Variants in RTN3 observed in about 807,000 individuals in gnomAD.
RTN3 encodes the protein reticulon 3.
Under a neutral mutation model 77.8 loss-of-function variants are expected in RTN3, and 49 were observed. The ratio of observed to expected loss-of-function variants is 0.63; its 90% CI spans 0.50 to 0.80. The LOEUF (loss-of-function observed/expected upper bound fraction) is 0.80, where lower values mean the gene tolerates loss of function less well. Ranked by LOEUF, RTN3 falls within the 30% of genes least tolerant of loss-of-function variation. RTN3 has a pLI of 0.00. For synonymous variants in RTN3, 464 were observed against 446.9 expected (o/e 1.04, Z -0.48); for missense variants, 1,236 against 1,211.9 (o/e 1.02, Z -0.29).
chr11:63,757,042 C>CA (rs1356137053), intron 8 of RTN3, among the ~76,000 whole-genome samples: 5 of 150,360 alleles, frequency 3.3e-5, no homozygotes, highest in African/African-American at 4.9e-5. Context: ...GACTCCGTCT[C>CA]AAAAAAAAAC....
chr11:63,744,612 T>C (rs1328608973), intron 3 of RTN3, among the ~76,000 whole-genome samples: 1 of 152,198 alleles, frequency 6.6e-6, no homozygotes, highest in East Asian at 1.9e-4. Flanking sequence ...CAGTCATATA[T>C]GTGGTGCTTT....
chr11:63,688,759 C>T (rs995988547), intron 1 of RTN3, among the ~76,000 whole-genome samples: 1 of 152,012 alleles, frequency 6.6e-6, no homozygotes, highest in Non-Finnish European at 1.5e-5. Flanking sequence ...TCAAATTATC[C>T]TGTGAGGAAA....
chr11:63,749,478 A>G (rs541752153), intron 3 of RTN3, among the ~76,000 whole-genome samples: 1 of 152,268 alleles, frequency 6.6e-6, no homozygotes, highest in Admixed American at 6.5e-5. Flanking sequence ...CTTTGGTTTT[A>G]TAGTCTGTTC....
intron 1 of RTN3, among the ~76,000 whole-genome samples, chr11:63,693,415 T>C (rs374558230): frequency 6.6e-6 from 1 of 151,578 alleles, no homozygotes; most frequent in Non-Finnish European, 1.5e-5. Flanking sequence ...ACCTGGGAGG[T>C]CGAGGTTGTG....
intron 2 of RTN3, among the ~76,000 whole-genome samples, chr11:63,714,793 T>C (rs528864484): frequency 1.3e-5 from 2 of 152,292 alleles, no homozygotes; most frequent in South Asian, 4.1e-4. Flanking sequence ...GATACAGGCA[T>C]GAGCCACCAC....
At chr11:63,728,394 CA>C (rs1181323540) in intron 3 of RTN3, among the ~76,000 whole-genome samples, 4 of 152,086 alleles carry the variant, frequency 2.6e-5, no homozygotes, top group Non-Finnish European at 5.9e-5. Context: ...CTCAGGCATG[CA>C]AAAATACTTA....
At chr11:63,734,241 G>GT (rs891860524) in intron 3 of RTN3, among the ~76,000 whole-genome samples, 38 of 152,144 alleles carry the variant, frequency 2.5e-4, no homozygotes, top group African/African-American at 8.9e-4. Flanking sequence ...TGAGGTCAGA[G>GT]TTTGAGATCT....
intron 2 of RTN3, among the ~76,000 whole-genome samples, chr11:63,713,415 T>C (rs1329671562): frequency 3.3e-5 from 5 of 152,124 alleles, no homozygotes; most frequent in Non-Finnish European, 7.4e-5. Context: ...GCTCAAGCAG[T>C]CCTCCCACTT....
chr11:63,681,872 T>C (rs2134584322), intron 1 of RTN3, 94 bp downstream of exon 1: 1 of 1,321,374 alleles, frequency 7.6e-7, no homozygotes, highest in Non-Finnish European at 1.0e-6. Context: ...GGAGGACGAA[T>C]TACCCTCGAC....
In RTN3 at chr11:63,720,224, G is replaced by T. The variant is rs764982284; in HGVS notation, c.1722G>T (p.Arg574Ser). Residue 574 changes from arginine (R) to serine (S), a missense_variant, in exon 3 of 9, where the codon AGG (arginine) becomes AGT (serine). Physicochemically the swap from Arg to Ser is moderately radical, Grantham distance 110. Coordinates refer to ENST00000377819, the MANE Select transcript of RTN3 (RefSeq NM_001265589.2). The part of the protein sequence containing the change: ...LHQDQPDILG[R>S]SPASEAACSK... ...AAGATCAGCCTGATATTCTTGGAAG[G>T]AGTCCAGCTAGTGAGGCAGCATGTT... 6.2e-6 allele frequency: 10 copies of T among 1,614,086 alleles called. No homozygotes were observed. The highest frequency in any genetic ancestry group is 6.8e-6 in the Non-Finnish European group (8 of 1,179,990).
chr11:63,685,495 C>CAAA (rs55888863), intron 1 of RTN3, among the ~76,000 whole-genome samples: 96,303 of 115,760 alleles, frequency 0.83, 40,761 homozygotes, highest in East Asian at 0.95. Context: ...GACTCCATCT[C>CAAA]AAAAAAAAAA....
chr11:63,757,496 C>T (rs1239049905), intron 8 of RTN3, among the ~76,000 whole-genome samples: 2 of 151,586 alleles, frequency 1.3e-5, no homozygotes, highest in African/African-American at 4.8e-5. Context: ...GAGTAGCTGA[C>T]ACTACAGGCA....
intron 7 of RTN3, 83 bp downstream of exon 7, chr11:63,753,791 G>A: frequency 7.9e-7 from 1 of 1,265,530 alleles, no homozygotes; most frequent in Non-Finnish European, 1.1e-6. Flanking sequence ...TGAATGTTCA[G>A]AGCAGTCTTT....
chr11:63,726,092 T>C (rs766577190), intron 3 of RTN3, among the ~76,000 whole-genome samples: 1 of 152,194 alleles, frequency 6.6e-6, no homozygotes, highest in Non-Finnish European at 1.5e-5. Flanking sequence ...ATACAGGGAA[T>C]CTGAAGTAAT....
chr11:63,717,598 C>T (rs2011486819), intron 2 of RTN3, among the ~76,000 whole-genome samples: 1 of 151,582 alleles, frequency 6.6e-6, no homozygotes, highest in South Asian at 2.1e-4. Context: ...CCATTTTGGT[C>T]AGGCTGGTCT....
intron 3 of RTN3, among the ~76,000 whole-genome samples, chr11:63,722,946 C>T (rs950309963): frequency 1.3e-5 from 2 of 152,182 alleles, no homozygotes; most frequent in East Asian, 3.8e-4. Flanking sequence ...AATTATGCTA[C>T]AAGAACTCCA....
intron 2 of RTN3, among the ~76,000 whole-genome samples, chr11:63,709,899 T>C (rs1411065407): frequency 2.6e-5 from 4 of 152,342 alleles, no homozygotes; most frequent in African/African-American, 9.6e-5. Context: ...GTTATAGATA[T>C]CCTTTTAGTA....
chr11:63,708,400 G>GCGGT (rs1325471634), intron 2 of RTN3, among the ~76,000 whole-genome samples: 2 of 151,850 alleles, frequency 1.3e-5, no homozygotes, highest in East Asian at 3.9e-4. Flanking sequence ...CTGAGCACAA[G>GCGGT]CGGTCCTCCT....
Position 63,719,521 on chromosome 11 carries a change from T to G in RTN3, c.1019T>G (p.Leu340Arg). 1 of 1,614,192 alleles carries G rather than the reference T, an allele frequency of 6.2e-7. No individual in the cohort carries two copies. The highest frequency in any genetic ancestry group is 1.1e-5 in the South Asian group (1 of 91,080). ...NDMHNFTNEILTWDLVPQVKQ... is the reference protein window; with the variant it reads ...NDMHNFTNEIRTWDLVPQVKQ... ...ATGCATAACTTTACTAACGAAATAC[T>G]GACTTGGGATCTGGTTCCCCAAGTG... Residue 340 changes from leucine to arginine, a missense_variant, in exon 3 of 9, where the codon CTG (leucine) becomes CGG (arginine). Physicochemically the swap from Leu to Arg is moderately radical, Grantham distance 102. Around this residue, in one of 3 missense-constraint regions of RTN3, gnomAD observed 1,056 missense variants for 990.4 expected, o/e 1.07. Coordinates refer to ENST00000377819, the MANE Select transcript of RTN3 (RefSeq NM_001265589.2).
Sources: allele counts gnomAD v4.1 joint callset (sites outside exome capture counted in the v4.1 genomes callset), GRCh38; gene constraint gnomAD v4.1.1; regional missense constraint gnomAD v4.1.1; transcripts MANE v1.5; gene names NCBI Gene and HGNC (gene_info 2026-07-23, HGNC 2026-07-21).